PLEKHB2: variants seen among roughly 807,000 people sequenced by gnomAD.
PLEKHB2 encodes the protein pleckstrin homology domain-containing family B member 2.
In PLEKHB2, 31 loss-of-function variants were observed where a neutral mutation model predicts 36.5. The observed-to-expected ratio is 0.85, with a 90% CI of 0.64 to 1.15. The LOEUF (loss-of-function observed/expected upper bound fraction) is 1.15. PLEKHB2 is among the 50% of genes most tolerant of loss of function. The pLI, the probability that PLEKHB2 is intolerant of heterozygous loss-of-function variation, is 0.00. For missense variants in PLEKHB2, 262 were observed against 295.3 expected, an observed-to-expected ratio of 0.89 and a Z score of 0.83; for synonymous variants, 119 against 112.0, an observed-to-expected ratio of 1.06 and a Z score of -0.39.
intron 2 of PLEKHB2, 69 bp from the exon 3 acceptor site, chr2:131,125,684 C>T (rs1374834507): frequency 1.4e-6 from 2 of 1,385,086 alleles, no homozygotes; most frequent in Non-Finnish European, 2.0e-6. Context: ...CCACTGCATT[C>T]CAACTTGGGC....
intron 6 of PLEKHB2, among the ~76,000 whole-genome samples, chr2:131,139,141 C>T (rs949417303): frequency 2.6e-5 from 4 of 152,142 alleles, no homozygotes; most frequent in African/African-American, 9.7e-5. Flanking sequence ...TTAAAGAGAG[C>T]AGCTCTTCTC....
intron 2 of PLEKHB2, among the ~76,000 whole-genome samples, chr2:131,123,934 G>T (rs1696832267): frequency 6.6e-6 from 1 of 150,652 alleles, no homozygotes; most frequent in Non-Finnish European, 1.5e-5. Context: ...CTACAGCCTT[G>T]ATCTTCCAGG....
chr2:131,110,154 A>C (rs1269808589), intron 1 of PLEKHB2, among the ~76,000 whole-genome samples: 2 of 152,124 alleles, frequency 1.3e-5, no homozygotes, highest in African/African-American at 4.8e-5. Flanking sequence ...GGATATGGTA[A>C]AATTGCTATT....
chr2:131,124,771 GA>G (rs904127358), intron 2 of PLEKHB2, among the ~76,000 whole-genome samples: 34 of 150,530 alleles, frequency 2.3e-4, no homozygotes, highest in Non-Finnish European at 3.4e-4. Context: ...TAAGGACAAA[GA>G]AAAAAAACGT....
At chr2:131,144,408 A>G in intron 7 of PLEKHB2, 3 of 1,227,268 alleles carry the variant, frequency 2.4e-6, no homozygotes, top group Non-Finnish European at 2.0e-6. Flanking sequence ...TGTCTTGTAG[A>G]GACCATCCTC....
At chr2:131,145,422 C>T (rs1365129974) in intron 7 of PLEKHB2, among the ~76,000 whole-genome samples, 1 of 152,136 alleles carries the variant, frequency 6.6e-6, no homozygotes, top group Non-Finnish European at 1.5e-5. Context: ...CTCACTGCAG[C>T]CCCCGCCTCC....
At position 131,132,965 on chromosome 2, in the gene PLEKHB2, A is replaced by G; in HGVS notation, c.397A>G (p.Thr133Ala). The change falls in exon 6 of 8, where the codon ACG becomes GCG. Residue 133 changes from threonine (T) to alanine (A), a missense_variant. Physicochemically the swap from Thr to Ala is moderately conservative, Grantham distance 58. Transcript: ENST00000693505. The stretch of plus-strand genomic sequence containing the variant: ...CGTGGTTTCCTCACCTCCACCATAC[A>G]CGGCCTATGCTGCACCGGCCCCTGA... ...TSVVSSPPPY[T>A]AYAAPAPEQA... 6.2e-7 allele frequency: 1 copy of G among 1,613,910 alleles called. No individual in the cohort carries two copies.
intron 7 of PLEKHB2, among the ~76,000 whole-genome samples, chr2:131,143,386 A>G (rs192114716): frequency 6.6e-6 from 1 of 152,356 alleles, no homozygotes; most frequent in Admixed American, 6.5e-5. Flanking sequence ...TCATATGTCC[A>G]TCACTGGCTT....
intron 7 of PLEKHB2, among the ~76,000 whole-genome samples, chr2:131,145,833 A>C (rs900061243): frequency 1.3e-5 from 2 of 152,078 alleles, no homozygotes; most frequent in Non-Finnish European, 2.9e-5. Flanking sequence ...GTTTTTTTGA[A>C]GTTTTCACCT....
At chr2:131,121,984 C>T (rs879851888) in intron 2 of PLEKHB2, among the ~76,000 whole-genome samples, 9 of 152,044 alleles carry the variant, frequency 5.9e-5, no homozygotes, top group Admixed American at 4.6e-4. Flanking sequence ...CTGCAACCTC[C>T]GCCTCCCAGG....
intron 6 of PLEKHB2, among the ~76,000 whole-genome samples, chr2:131,135,615 T>G (rs1194586623): frequency 6.6e-6 from 1 of 152,058 alleles, no homozygotes; most frequent in African/African-American, 2.4e-5. Context: ...TCAGTGTTTT[T>G]TTTTGAGATG....
At chr2:131,144,332 T>C (rs1699077145) in intron 7 of PLEKHB2, 3 of 570,668 alleles carry the variant, frequency 5.3e-6, no homozygotes, top group African/African-American at 3.9e-5. Flanking sequence ...TTCGTTCGGC[T>C]CTCCTATAAT....
In PLEKHB2 at chr2:131,125,897, A is replaced by G. The variant is rs774841667; in HGVS notation, c.182A>G (p.Glu61Gly). Residue 61 changes from glutamate to glycine, a missense_variant, in exon 3 of 8, where the codon GAA becomes GGA. Glu to Gly is a moderately conservative substitution (Grantham distance 98, BLOSUM62 -2). Coordinates refer to ENST00000693505, the MANE Select transcript of PLEKHB2 (RefSeq NM_001100623.2). ...TGCATCAACATCCGCACGGGGCAGGAATGTCGGGGTAAGCTGGCCTGTCTT... is the reference window on the plus strand; with the variant it reads ...TGCATCAACATCCGCACGGGGCAGGGATGTCGGGGTAAGCTGGCCTGTCTT... ...MDCINIRTGQ[E>G]CRDTQPPDGK... 1.2e-6 allele frequency: 2 copies of G among 1,612,616 alleles called. No individual in the cohort carries two copies. Among genetic ancestry groups the G allele is most frequent in the Non-Finnish European group, 1.7e-6 (2 of 1,179,658 alleles).
chr2:131,140,048 T>C (rs1698627420), intron 6 of PLEKHB2, 119 bp from the exon 7 acceptor site: 1 of 619,306 alleles, frequency 1.6e-6, no homozygotes, highest in Admixed American at 3.3e-5. Context: ...TGTTTCATGT[T>C]TTGTTTTGTT....
chr2:131,113,078 C>T (rs1295670440), intron 1 of PLEKHB2, among the ~76,000 whole-genome samples: 2 of 136,274 alleles, frequency 1.5e-5, no homozygotes, highest in East Asian at 2.4e-4. Context: ...AGTTGGTGTT[C>T]GCTGAAGAAT....
Position 131,122,079 on chromosome 2 carries a change from G to C in PLEKHB2, c.37+1101G>C, listed in dbSNP as rs148483531. On this transcript the variant is annotated intron_variant, in intron 2 of 7. Coordinates refer to ENST00000693505, the MANE Select transcript of PLEKHB2 (RefSeq NM_001100623.2). ...ATGCCTGGCTAATTTTGTATTTTTA[G>C]TAGAGACGGAGTTTCTCCATGTTGA... Among the ~76,000 whole-genome samples the C allele has an allele frequency of 2.0e-5, 3 of 151,918 alleles. No homozygotes were observed. In the South Asian group the frequency reaches 6.2e-4, roughly 32 times the overall value.
intron 1 of PLEKHB2, among the ~76,000 whole-genome samples, chr2:131,108,596 A>G (rs1473168303): frequency 6.6e-6 from 1 of 152,218 alleles, no homozygotes; most frequent in Non-Finnish European, 1.5e-5. Flanking sequence ...CATAAAATAC[A>G]CTAACCCTAA....
At position 131,140,251 on chromosome 2, in the gene PLEKHB2, G is replaced by A. The variant is rs770198716; in HGVS notation, c.508G>A (p.Val170Met). Residue 170 changes from valine to methionine, a missense_variant, in exon 7 of 8, where the codon GTG becomes ATG. Val to Met is a conservative substitution (Grantham distance 21, BLOSUM62 1). Coordinates refer to ENST00000693505, the MANE Select transcript of PLEKHB2 (RefSeq NM_001100623.2). ...CGCTGCGAATGGGCAGGCGTATGCC[G>A]TGCCCTACCAGTACCCATATGCAGG... The part of the protein sequence containing the change: ...VYAANGQAYA[V>M]PYQYPYAGLY... The A allele has an allele frequency of 3.4e-5, 55 of 1,604,506 alleles. 2 individuals carry two copies. The highest frequency in any genetic ancestry group is 1.7e-4 in the South Asian group (15 of 90,722).
In PLEKHB2 at chr2:131,146,988, G is replaced by A; in HGVS notation, c.*215G>A. The A allele has an allele frequency of 2.4e-6, 1 of 418,200 alleles. No homozygotes were observed. The allele number at this position is 418,200 out of a possible 1,614,324, so 25.9% of individuals were successfully genotyped here. ...CAAATGTTGACTCTCCGGGGGCACTGGCTCATTCCAAGACTGTTCTTGTGC... is the reference window on the plus strand; with the variant it reads ...CAAATGTTGACTCTCCGGGGGCACTAGCTCATTCCAAGACTGTTCTTGTGC... On this transcript the variant is annotated 3_prime_UTR_variant, in exon 8 of 8. Coordinates refer to ENST00000693505, the MANE Select transcript of PLEKHB2 (RefSeq NM_001100623.2).
Sources: gnomAD v4.1 joint callset for allele counts (sites outside exome capture counted in the v4.1 genomes callset) on GRCh38, gnomAD v4.1.1 for gene constraint, MANE v1.5 for transcripts, NCBI Gene and HGNC (gene_info 2026-07-23, HGNC 2026-07-21) for gene names.